The following CACNA2D3 variants were observed in gnomAD, a reference collection of about 807,000 sequenced individuals.
The protein encoded by CACNA2D3 is voltage-dependent calcium channel subunit alpha-2/delta-3.
In CACNA2D3, 60 loss-of-function variants were observed where a neutral mutation model predicts 160.6. The observed-to-expected ratio is 0.37, with a 90% CI of 0.30 to 0.46. The LOEUF (loss-of-function observed/expected upper bound fraction) is 0.46, where lower values mean the gene tolerates loss of function less well. Among genes scored for constraint, CACNA2D3 ranks in the 20% least tolerant of loss-of-function variants. CACNA2D3 has a pLI of 1.00. For missense variants in CACNA2D3, 1,205 were observed against 1,365.0 expected (o/e 0.88, Z 1.85); for synonymous variants, 558 against 492.9 (o/e 1.13, Z -1.75).
chr3:54,606,014 T>C (rs1276007565), intron 9 of CACNA2D3, among the ~76,000 whole-genome samples: 1 of 152,218 alleles, frequency 6.6e-6, no homozygotes, highest in Non-Finnish European at 1.5e-5. Flanking sequence ...GATCCATTTC[T>C]GTAGCTTAGA....
chr3:54,627,419 C>T (rs1699146946), intron 9 of CACNA2D3, among the ~76,000 whole-genome samples: 2 of 151,934 alleles, frequency 1.3e-5, no homozygotes, highest in Non-Finnish European at 2.9e-5. Context: ...AGAGTGGGTT[C>T]CCAGTGGAGG....
intron 31 of CACNA2D3, among the ~76,000 whole-genome samples, chr3:54,995,573 G>A (rs561682775): frequency 6.6e-6 from 1 of 152,328 alleles, no homozygotes; most frequent in Non-Finnish European, 1.5e-5. Context: ...TGCAAAAGAA[G>A]AGTTCAGGGA....
chr3:54,731,730 C>T (rs911841148), intron 11 of CACNA2D3, among the ~76,000 whole-genome samples: 59 of 152,168 alleles, frequency 3.9e-4, no homozygotes, highest in African/African-American at 1.4e-3. Context: ...TTCTTAGCGG[C>T]ACCCAGGATT....
intron 11 of CACNA2D3, among the ~76,000 whole-genome samples, chr3:54,712,723 A>T (rs1035519425): frequency 6.6e-6 from 1 of 152,058 alleles, no homozygotes. Context: ...TGCCTTTTCC[A>T]TTTTCCAGAG....
chr3:54,350,992 T>TTTTTTTTTTTTTTTTTTTTTTTTG (rs1559457861), intron 3 of CACNA2D3, among the ~76,000 whole-genome samples: 2 of 110,978 alleles, frequency 1.8e-5, no homozygotes, highest in Non-Finnish European at 3.9e-5. Flanking sequence ...GTTTGTTTTT[T>TTTTTTTTTTTTTTTTTTTTTTTTG]TTTTTTTTTT....
At chr3:55,009,342 G>T (rs1384319373) in intron 33 of CACNA2D3, 46 bp from the exon 34 acceptor site, 2 of 1,516,010 alleles carry the variant, frequency 1.3e-6, no homozygotes, top group Non-Finnish European at 1.8e-6. Flanking sequence ...CTGTGATATG[G>T]GCATGGATGA....
chr3:54,721,315 A>G (rs1471077146), intron 11 of CACNA2D3, among the ~76,000 whole-genome samples: 1 of 152,198 alleles, frequency 6.6e-6, no homozygotes, highest in Non-Finnish European at 1.5e-5. Flanking sequence ...TTTCTGTGTT[A>G]TTAATGGGAT....
At chr3:54,637,778 G>C (rs1575398570) in intron 10 of CACNA2D3, 1 of 152,146 alleles carries the variant, frequency 6.6e-6, no homozygotes, top group South Asian at 2.1e-4. Context: ...GAAGGAGTCA[G>C]TCAGAGAACC....
chr3:54,374,801 C>A (rs1012124890), intron 3 of CACNA2D3, among the ~76,000 whole-genome samples: 34 of 152,188 alleles, frequency 2.2e-4, no homozygotes, highest in African/African-American at 8.0e-4. Context: ...TATTCCTCTT[C>A]CTAAATAACT....
chr3:54,886,793 C>T (rs1699936260), intron 23 of CACNA2D3, among the ~76,000 whole-genome samples: 1 of 151,688 alleles, frequency 6.6e-6, no homozygotes, highest in South Asian at 2.1e-4. Flanking sequence ...TGTGTTTTCA[C>T]CCATTATATT....
chr3:54,903,302 C>T (rs1321238837), intron 27 of CACNA2D3, among the ~76,000 whole-genome samples: 2 of 152,132 alleles, frequency 1.3e-5, no homozygotes, highest in Non-Finnish European at 2.9e-5. Context: ...TGAGAACATG[C>T]GGTATTTGGT....
At chr3:54,837,113 G>A (rs1559600120) in intron 14 of CACNA2D3, 46 bp from the exon 15 acceptor site, 1 of 1,563,592 alleles carries the variant, frequency 6.4e-7, no homozygotes, top group Non-Finnish European at 8.8e-7. Context: ...CCAGAACTGT[G>A]GTTTCCAGAC....
At chr3:54,135,719 C>G (rs1699802225) in intron 2 of CACNA2D3, among the ~76,000 whole-genome samples, 1 of 152,298 alleles carries the variant, frequency 6.6e-6, no homozygotes, top group South Asian at 2.1e-4. Flanking sequence ...CTGATGCCCA[C>G]CTTGCACATT....
At chr3:54,455,152 T>G (rs1440490950) in intron 4 of CACNA2D3, among the ~76,000 whole-genome samples, 1 of 152,106 alleles carries the variant, frequency 6.6e-6, no homozygotes, top group African/African-American at 2.4e-5. Context: ...TATTTTGAGT[T>G]TTTTTTGAAG....
intron 2 of CACNA2D3, among the ~76,000 whole-genome samples, chr3:54,313,717 G>A (rs976730431): frequency 6.6e-6 from 1 of 151,806 alleles, no homozygotes; most frequent in Admixed American, 6.6e-5. Context: ...TCTCTTCCTG[G>A]CATCTTTATC....
intron 2 of CACNA2D3, among the ~76,000 whole-genome samples, chr3:54,138,468 T>C (rs1311344813): frequency 6.6e-6 from 1 of 152,166 alleles, no homozygotes; most frequent in Non-Finnish European, 1.5e-5. Flanking sequence ...GCATCTCTGG[T>C]TATAGTGCCT....
At chr3:55,053,901 T>C (rs1704296353) in intron 35 of CACNA2D3, among the ~76,000 whole-genome samples, 2 of 152,000 alleles carry the variant, frequency 1.3e-5, no homozygotes, top group African/African-American at 4.8e-5. Context: ...AGACCATTTA[T>C]TTTTAATGAA....
chr3:54,742,611 T>A (rs1216837185), intron 11 of CACNA2D3, among the ~76,000 whole-genome samples: 1 of 152,146 alleles, frequency 6.6e-6, no homozygotes, highest in Non-Finnish European at 1.5e-5. Context: ...TGTCCACTGT[T>A]ACAAAGTGTA....
chr3:54,466,689 A>C (rs552064020), intron 4 of CACNA2D3, among the ~76,000 whole-genome samples: 2 of 152,318 alleles, frequency 1.3e-5, no homozygotes, highest in East Asian at 3.9e-4. Flanking sequence ...GACTGATATA[A>C]AATAGTTGTA....
Sources: gnomAD v4.1 joint callset for allele counts (sites outside exome capture counted in the v4.1 genomes callset) on GRCh38, gnomAD v4.1.1 for gene constraint, MANE v1.5 for transcripts, NCBI Gene and HGNC (gene_info 2026-07-23, HGNC 2026-07-21) for gene names.